The following FER1L6 variants were observed in gnomAD, a reference collection of about 807,000 sequenced individuals.
FER1L6 encodes the protein fer-1-like protein 6.
FER1L6 carries 177 observed loss-of-function variants against 219.2 expected under a neutral mutation model. The observed-to-expected ratio is 0.81, with a 90% CI of 0.71 to 0.91. The LOEUF is 0.91. Ranked by LOEUF, FER1L6 falls within the 40% of genes least tolerant of loss-of-function variation. The pLI is 0.00. For missense variants in FER1L6, 2,153 were observed against 2,259.9 expected (o/e 0.95, Z 0.96); for synonymous variants, 768 against 824.3 (o/e 0.93, Z 1.17).
At chr8:123,926,416 A>G (rs569421224) in intron 1 of FER1L6, among the ~76,000 whole-genome samples, 1 of 152,330 alleles carries the variant, frequency 6.6e-6, no homozygotes, top group African/African-American at 2.4e-5. Flanking sequence ...GCTCCCGTGC[A>G]CAAGGACCCG....
chr8:124,107,025 T>C (rs998083025), intron 39 of FER1L6, among the ~76,000 whole-genome samples: 1 of 149,450 alleles, frequency 6.7e-6, no homozygotes. Flanking sequence ...CTCTGCTCAC[T>C]GCAAGCTCCA....
chr8:124,060,964 C>A (rs541233703), intron 24 of FER1L6, among the ~76,000 whole-genome samples: 1 of 152,178 alleles, frequency 6.6e-6, no homozygotes, highest in East Asian at 1.9e-4. Flanking sequence ...GTCCCCAATT[C>A]ATCAGCATCA....
rs1425653279 is a variant in FER1L6 at position 123,884,930 on chromosome 8, T to A, written c.-8+32745T>A. On this transcript the variant is annotated intron_variant, in intron 1 of 40. Transcript: ENST00000522917. ...GAAAATAGAATCATTGCAGATGCAA[T>A]TAGTTAAGATGACACCAGCCTGCAT... Among the ~76,000 whole-genome samples, 4 of 151,900 alleles carry A rather than the reference T, an allele frequency of 2.6e-5. No individual in the cohort carries two copies. The East Asian group carries it at 7.7e-4, about 29-fold the overall frequency.
chr8:123,921,720 C>A (rs76786755), intron 1 of FER1L6, among the ~76,000 whole-genome samples: 1 of 151,828 alleles, frequency 6.6e-6, no homozygotes, highest in African/African-American at 2.4e-5. Context: ...ACATGTCAAC[C>A]GATGCAAGCT....
In FER1L6 at chr8:123,980,753, C is replaced by T. The variant is rs1275410980; in HGVS notation, c.1352C>T (p.Ala451Val). The change falls in exon 11 of 41, where the codon GCT becomes GTT. Residue 451 changes from alanine to valine, a missense_variant. Ala to Val is a moderately conservative substitution (Grantham distance 64, BLOSUM62 0). Coordinates refer to ENST00000522917, the MANE Select transcript of FER1L6 (RefSeq NM_001039112.2). ...ACTGAAGATGGAAAATCCCAACAGG[C>T]TTCAAACAAAACTAACTCAACCGAG... ...DKTEDGKSQQ[A>V]SNKTNSTEVE... The T allele has an allele frequency of 6.2e-7, 1 of 1,614,142 alleles. No individual in the cohort carries two copies. Among genetic ancestry groups the T allele is most frequent in the Non-Finnish European group, 8.5e-7 (1 of 1,180,020 alleles).
At chr8:124,101,767 A>T (rs1822557451) in intron 38 of FER1L6, among the ~76,000 whole-genome samples, 1 of 152,210 alleles carries the variant, frequency 6.6e-6, no homozygotes, top group African/African-American at 2.4e-5. Flanking sequence ...TTAGAAGTTT[A>T]TTTTGCCAAG....
At position 124,066,520 on chromosome 8, in the gene FER1L6, G is replaced by A. The variant is rs752304925; in HGVS notation, c.3648G>A (p.Lys1216=). 10 of 1,614,080 alleles carry A rather than the reference G, an allele frequency of 6.2e-6. No individual in the cohort carries two copies. The highest frequency in any genetic ancestry group is 6.8e-6 in the Non-Finnish European group (8 of 1,179,954). ...AAAACGTGATTGACTGGTGGTCTAA[G>A]TATTATGCCTCCCTGAAGAAAGCCC... ...SAENVIDWWS[K]YYASLKKAQK... Residue 1216 remains lysine (K), a synonymous_variant, in exon 27 of 41, where the codon AAG becomes AAA. Coordinates refer to ENST00000522917, the MANE Select transcript of FER1L6 (RefSeq NM_001039112.2).
intron 1 of FER1L6, among the ~76,000 whole-genome samples, chr8:123,931,512 G>A (rs1813770814): frequency 6.6e-6 from 1 of 152,224 alleles, no homozygotes; most frequent in Non-Finnish European, 1.5e-5. Context: ...AAGTACCGCA[G>A]GATATGGGTT....
rs755495488 is a variant in FER1L6, at chr8:123,970,098, G to A, written c.447+1G>A. On this transcript the variant is annotated splice_donor_variant, in intron 6 of 40. Transcript: ENST00000522917. LOFTEE classifies it high-confidence loss of function. ...TTTTGACAAGATCATCAAAATCTCC[G>A]TAAGTATAGCATTGGTGGTAATAGT... 190 of 1,613,406 alleles carry A rather than the reference G, an allele frequency of 1.2e-4. No individual in the cohort carries two copies. The highest frequency in any genetic ancestry group is 1.2e-3 in the South Asian group (105 of 91,066).
intron 1 of FER1L6, among the ~76,000 whole-genome samples, chr8:123,886,760 G>A (rs563268570): frequency 1.3e-5 from 2 of 152,104 alleles, no homozygotes; most frequent in Non-Finnish European, 2.9e-5. Flanking sequence ...ACTATTATAT[G>A]TATATAGCCA....
chr8:123,857,675 C>T (rs983265946), intron 1 of FER1L6, among the ~76,000 whole-genome samples: 3 of 152,142 alleles, frequency 2.0e-5, no homozygotes, highest in Non-Finnish European at 4.4e-5. Flanking sequence ...GATGGATGGG[C>T]TCGTCCTGGT....
chr8:123,938,541 ATTTTTTTT>A (rs11301898), intron 1 of FER1L6, among the ~76,000 whole-genome samples: 5 of 93,668 alleles, frequency 5.3e-5, no homozygotes, highest in African/African-American at 2.1e-4. Context: ...TTTACCTGAA[ATTTTTTTT>A]TTTTTTTTTT....
intron 1 of FER1L6, among the ~76,000 whole-genome samples, chr8:123,930,085 T>C (rs1813712462): frequency 6.6e-6 from 1 of 152,152 alleles, no homozygotes; most frequent in Non-Finnish European, 1.5e-5. Flanking sequence ...TTAACCAGTT[T>C]TGCCCAAAGG....
At chr8:124,069,324 G>A (rs201782547) in intron 28 of FER1L6, 36 bp from the exon 29 acceptor site, 148 of 1,479,540 alleles carry the variant, frequency 1.0e-4, no homozygotes, top group African/African-American at 1.8e-4. Context: ...CATCTCAACC[G>A]CCATGAGAAA....
chr8:123,921,749 G>C (rs1164526619), intron 1 of FER1L6, among the ~76,000 whole-genome samples: 1 of 152,020 alleles, frequency 6.6e-6, no homozygotes. Flanking sequence ...TCTGGGGCTG[G>C]GTAAAAGTCA....
chr8:124,114,895 GTATATATATATATATATATATATATATA>G (rs71289637), intron 39 of FER1L6, among the ~76,000 whole-genome samples: 8 of 90,050 alleles, frequency 8.9e-5, no homozygotes, highest in African/African-American at 3.1e-4. Context: ...GTGTGTGTGC[GTATATATATATATATATATATATATATA>G]TATATATATA....
At chr8:123,982,729 G>T (rs1234070188) in intron 11 of FER1L6, among the ~76,000 whole-genome samples, 4 of 152,190 alleles carry the variant, frequency 2.6e-5, no homozygotes, top group Non-Finnish European at 5.9e-5. Flanking sequence ...GGCGAGGGCA[G>T]GGGCTGTCAT....
intron 1 of FER1L6, among the ~76,000 whole-genome samples, chr8:123,947,749 G>A (rs981845204): frequency 2.0e-5 from 3 of 152,220 alleles, no homozygotes; most frequent in African/African-American, 7.2e-5. Flanking sequence ...CATGTGATAA[G>A]TATATAATAG....
Position 123,975,254 on chromosome 8 carries a change from G to A in FER1L6, c.631G>A (p.Asp211Asn). Residue 211 changes from aspartate to asparagine, a missense_variant, in exon 8 of 41, where the codon GAT becomes AAT. Coordinates refer to ENST00000522917, the MANE Select transcript of FER1L6 (RefSeq NM_001039112.2). ...TGACATCAGTGTCATGGGAAAAGGT[G>A]ATGTCTTGAAGACCAGCCCTAAAAC... ...KCDISVMGKG[D>N]VLKTSPKTSD... The A allele has an allele frequency of 6.2e-7, 1 of 1,613,508 alleles. No homozygotes were observed. Among genetic ancestry groups the A allele is most frequent in the Non-Finnish European group, 8.5e-7 (1 of 1,179,756 alleles).
Sources: allele counts gnomAD v4.1 joint callset (sites outside exome capture counted in the v4.1 genomes callset), GRCh38; gene constraint gnomAD v4.1.1; transcripts MANE v1.5; gene names NCBI Gene and HGNC (gene_info 2026-07-23, HGNC 2026-07-21).